The following CACNB2 variants were observed in gnomAD, a reference collection of about 807,000 sequenced individuals.
CACNB2 encodes voltage-dependent L-type calcium channel subunit beta-2.
A neutral mutation model predicts 73.3 loss-of-function variants in CACNB2; 42 were observed. That is an observed-to-expected ratio of 0.57 (90% CI 0.45 to 0.74). CACNB2 has a LOEUF of 0.74. Ranked by LOEUF, CACNB2 falls within the 30% of genes least tolerant of loss-of-function variation. CACNB2 has a pLI of 0.00. For missense variants in CACNB2, 940 were observed against 853.0 expected, an observed-to-expected ratio of 1.10 and a Z score of -1.27; for synonymous variants, 348 against 310.3, an observed-to-expected ratio of 1.12 and a Z score of -1.28.
intron 5 of CACNB2, among the ~76,000 whole-genome samples, chr10:18,504,791 T>C (rs1204247661): frequency 1.3e-5 from 2 of 152,188 alleles, no homozygotes; most frequent in Non-Finnish European, 2.9e-5. Context: ...ACTACAGGCA[T>C]GCACCACCAC....
chr10:18,283,216 T>A (rs1447616824), intron 2 of CACNB2, among the ~76,000 whole-genome samples: 2 of 152,198 alleles, frequency 1.3e-5, no homozygotes, highest in Non-Finnish European at 2.9e-5. Context: ...TTTTACACTG[T>A]TGATGGGAGT....
Position 18,186,138 on chromosome 10 carries a change from G to A in CACNB2, c.213+35163G>A, listed in dbSNP as rs1398420838. Among the ~76,000 whole-genome samples the A allele has an allele frequency of 2.0e-5, 3 of 152,140 alleles. No individual in the cohort carries two copies. The South Asian group carries it at 6.2e-4, about 32-fold the overall frequency. On this transcript the variant is annotated intron_variant, in intron 2 of 13. Transcript: ENST00000324631. ...CACATTACTATAAAGAAATACCTGA[G>A]GCCAGGCATGGTAGCGCACACCTGT...
At chr10:18,455,009 C>G (rs1197130203) in intron 3 of CACNB2, among the ~76,000 whole-genome samples, 1 of 149,188 alleles carries the variant, frequency 6.7e-6, no homozygotes, top group Non-Finnish European at 1.5e-5. Flanking sequence ...GCCACTGCAG[C>G]CTTGGGTGAC....
At chr10:18,398,035 G>T (rs1373736593) in intron 2 of CACNB2, among the ~76,000 whole-genome samples, 2 of 152,108 alleles carry the variant, frequency 1.3e-5, no homozygotes, top group Admixed American at 6.6e-5. Context: ...GAGATCAAGG[G>T]TACATTTTGT....
At chr10:18,525,434 T>G (rs192797027) in intron 9 of CACNB2, among the ~76,000 whole-genome samples, 202 of 152,308 alleles carry the variant, frequency 1.3e-3, no homozygotes, top group Admixed American at 4.9e-3. Flanking sequence ...TTGAAATAGT[T>G]TTCCCTCCAA....
intron 2 of CACNB2, among the ~76,000 whole-genome samples, chr10:18,356,203 G>A (rs1404990858): frequency 6.6e-6 from 1 of 152,062 alleles, no homozygotes; most frequent in East Asian, 1.9e-4. Flanking sequence ...GCCATAGGCT[G>A]GGCCTCTGCT....
intron 2 of CACNB2, among the ~76,000 whole-genome samples, chr10:18,265,487 T>C (rs1408825700): frequency 6.6e-6 from 1 of 152,176 alleles, no homozygotes; most frequent in Non-Finnish European, 1.5e-5. Context: ...CTTTTTGTCT[T>C]AGGTTATCTG....
chr10:18,376,146 G>A (rs2042789682), intron 2 of CACNB2, among the ~76,000 whole-genome samples: 1 of 152,148 alleles, frequency 6.6e-6, no homozygotes, highest in East Asian at 1.9e-4. Context: ...TTTACACAGT[G>A]GAGTACTATT....
chr10:18,486,932 T>C (rs1247496294), intron 3 of CACNB2, among the ~76,000 whole-genome samples: 2 of 151,980 alleles, frequency 1.3e-5, no homozygotes, highest in Non-Finnish European at 2.9e-5. Flanking sequence ...GGAGGTTTAA[T>C]AGGTGAAAGA....
At chr10:18,413,837 A>G (rs1181150791) in intron 3 of CACNB2, among the ~76,000 whole-genome samples, 1 of 152,198 alleles carries the variant, frequency 6.6e-6, no homozygotes, top group Non-Finnish European at 1.5e-5. Context: ...ATAAAGCACA[A>G]GGTTCCTGGA....
At chr10:18,518,996 T>C in intron 9 of CACNB2, 28 bp downstream of exon 9, 2 of 1,609,186 alleles carry the variant, frequency 1.2e-6, no homozygotes, top group South Asian at 1.1e-5. Flanking sequence ...CTGGGTTTTG[T>C]GGATTTTGTC....
intron 2 of CACNB2, among the ~76,000 whole-genome samples, chr10:18,198,895 C>T (rs539150171): frequency 3.3e-5 from 5 of 152,132 alleles, no homozygotes; most frequent in South Asian, 2.1e-4. Context: ...GTAAATATTC[C>T]GAATGTTAAA....
chr10:18,409,031 A>AT lies in CACNB2; in HGVS notation c.333+6996dup, dbSNP rs112797625. 6.4e-4 allele frequency among the ~76,000 whole-genome samples: 97 copies of AT among 151,628 alleles called. 1 individual carries two copies. The South Asian group carries it at 0.017, about 27-fold the overall frequency. ...CCATGCCTCGCTAACATTTTTTAAAATTTTTTTTGTAATCTCAGCACTTTG... is the reference window on the plus strand; with the variant it reads ...CCATGCCTCGCTAACATTTTTTAAAATTTTTTTTTGTAATCTCAGCACTTTG... On this transcript the variant is annotated intron_variant, in intron 3 of 13. Transcript: ENST00000324631.
At chr10:18,475,472 T>C (rs1328073580) in intron 3 of CACNB2, among the ~76,000 whole-genome samples, 1 of 152,208 alleles carries the variant, frequency 6.6e-6, no homozygotes, top group Non-Finnish European at 1.5e-5. Flanking sequence ...ATAAGAGTTT[T>C]AGGAGCTGCA....
In CACNB2 at chr10:18,542,194, G is replaced by C. The variant is rs1231859447; in HGVS notation, c.*2470G>C. 6.6e-6 allele frequency: 1 copy of C among 151,902 alleles called. No individual in the cohort carries two copies. The highest frequency in any genetic ancestry group is 1.5e-5 in the Non-Finnish European group (1 of 67,976). The allele number at this position is 151,902 out of a possible 1,614,324, so 9.4% of individuals were successfully genotyped here. A position where few individuals can be genotyped will look rare whatever the true frequency, so the allele number is the denominator to read the frequency against. ...GGTGACAACCTGGTGTTTAAAAAAA[G>C]AAAATAAAAATTAGTTACATATATA... is the stretch of plus-strand genomic sequence containing the variant. On this transcript the variant is annotated 3_prime_UTR_variant, in exon 14 of 14. Transcript: ENST00000324631.
chr10:18,378,801 T>C (rs1170707848), intron 2 of CACNB2, among the ~76,000 whole-genome samples: 1 of 152,146 alleles, frequency 6.6e-6, no homozygotes, highest in African/African-American at 2.4e-5. Flanking sequence ...AATCAGCCAT[T>C]CACAGGTCAG....
chr10:18,406,914 C>T (rs546983709), intron 3 of CACNB2, among the ~76,000 whole-genome samples: 2 of 152,032 alleles, frequency 1.3e-5, no homozygotes, highest in South Asian at 4.2e-4. Context: ...ACAGTGTATG[C>T]GACGGTCAGT....
In CACNB2 at chr10:18,257,696, G is replaced by A. The variant is rs565822917; in HGVS notation, c.213+106721G>A. Among the ~76,000 whole-genome samples the A allele has an allele frequency of 1.1e-4, 17 of 152,200 alleles. No individual in the cohort carries two copies. The East Asian group carries it at 2.1e-3, about 19-fold the overall frequency. ...GGCTCTATTTTTCCTTCCAGGGATG[G>A]TTAGGAGTTGTTCCCTTGGCGTTCC... On this transcript the variant is annotated intron_variant, in intron 2 of 13. Transcript: ENST00000324631.
chr10:18,380,818 C>T (rs766030216), intron 2 of CACNB2, among the ~76,000 whole-genome samples: 28 of 151,844 alleles, frequency 1.8e-4, no homozygotes, highest in Non-Finnish European at 1.2e-4. Flanking sequence ...AATTTTTCAG[C>T]GCATTAAAGA....
Sources: gnomAD v4.1 joint callset for allele counts (sites outside exome capture counted in the v4.1 genomes callset) on GRCh38, gnomAD v4.1.1 for gene constraint, MANE v1.5 for transcripts, NCBI Gene and HGNC (gene_info 2026-07-23, HGNC 2026-07-21) for gene names.